The following SSH2 variants were observed in gnomAD, a reference collection of about 807,000 sequenced individuals.
SSH2 encodes protein phosphatase Slingshot homolog 2.
SSH2 carries 37 observed loss-of-function variants against 135.2 expected under a neutral mutation model. The observed-to-expected ratio is 0.27, with a 90% CI of 0.21 to 0.36. The LOEUF (loss-of-function observed/expected upper bound fraction) is 0.36, where lower values mean the gene tolerates loss of function less well. Among genes scored for constraint, SSH2 ranks in the 10% least tolerant of loss-of-function variants. The pLI, the probability that SSH2 is intolerant of heterozygous loss-of-function variation, is 1.00. For missense variants in SSH2, 1,408 were observed against 1,765.3 expected (o/e 0.80, Z 3.63); for synonymous variants, 628 against 646.2 (o/e 0.97, Z 0.43).
At chr17:29,694,547 T>C (rs2038639418) in intron 5 of SSH2, among the ~76,000 whole-genome samples, 2 of 152,192 alleles carry the variant, frequency 1.3e-5, no homozygotes, top group African/African-American at 4.8e-5. Context: ...TGTGCGCCTG[T>C]AGTCCCAGCT....
intron 2 of SSH2, among the ~76,000 whole-genome samples, chr17:29,829,457 CGATGGCTT>C (rs2042800392): frequency 1.3e-5 from 2 of 150,528 alleles, no homozygotes; most frequent in South Asian, 4.2e-4. Context: ...CCCCAACTGT[CGATGGCTT>C]GTGTGTGTGT....
At chr17:29,638,082 C>A (rs1291812920) in intron 14 of SSH2, among the ~76,000 whole-genome samples, 1 of 151,994 alleles carries the variant, frequency 6.6e-6, no homozygotes, top group Non-Finnish European at 1.5e-5. Context: ...CCAATGCACT[C>A]CAGCCTGGGT....
intron 3 of SSH2, among the ~76,000 whole-genome samples, chr17:29,754,185 C>A (rs1168664814): frequency 6.6e-6 from 1 of 152,168 alleles, no homozygotes; most frequent in Non-Finnish European, 1.5e-5. Flanking sequence ...CATCTAGGAA[C>A]TTGTTAGAAA....
At chr17:29,850,356 C>T (rs1373644405) in intron 1 of SSH2, among the ~76,000 whole-genome samples, 2 of 152,170 alleles carry the variant, frequency 1.3e-5, no homozygotes, top group African/African-American at 4.8e-5. Flanking sequence ...CATAAGCTTA[C>T]GTCATTAAAA....
chr17:29,740,489 T>C (rs1376312201), intron 3 of SSH2, among the ~76,000 whole-genome samples: 2 of 151,888 alleles, frequency 1.3e-5, no homozygotes, highest in Admixed American at 6.6e-5. Flanking sequence ...TGCCTATGGA[T>C]ACTGTTTAGA....
At chr17:29,681,259 C>T (rs920633525) in intron 6 of SSH2, among the ~76,000 whole-genome samples, 1 of 136,324 alleles carries the variant, frequency 7.3e-6, no homozygotes, top group Non-Finnish European at 1.5e-5. Context: ...CGCTTGAACC[C>T]AGGAGACGGA....
intron 1 of SSH2, among the ~76,000 whole-genome samples, chr17:29,883,408 A>G (rs534102828): frequency 1.4e-4 from 21 of 152,298 alleles, no homozygotes; most frequent in Admixed American, 2.6e-4. Flanking sequence ...ACATTATCCT[A>G]TCGTGTTTCA....
chr17:29,727,065 T>TA (rs1447980487), intron 3 of SSH2, among the ~76,000 whole-genome samples: 1 of 152,226 alleles, frequency 6.6e-6, no homozygotes, highest in South Asian at 2.1e-4. Context: ...GCATCAAACT[T>TA]ACAGCATTAG....
intron 2 of SSH2, among the ~76,000 whole-genome samples, chr17:29,840,127 T>C (rs1205498233): frequency 6.6e-6 from 1 of 152,086 alleles, no homozygotes; most frequent in Non-Finnish European, 1.5e-5. Flanking sequence ...TTTTGCTTGC[T>C]CTCCCAAACC....
At chr17:29,732,342 T>C (rs1381225645) in intron 3 of SSH2, among the ~76,000 whole-genome samples, 1 of 152,220 alleles carries the variant, frequency 6.6e-6, no homozygotes, top group Non-Finnish European at 1.5e-5. Context: ...GCTTAGGCTT[T>C]ACCTTTCACA....
intron 2 of SSH2, among the ~76,000 whole-genome samples, chr17:29,800,636 TTAAA>T (rs1230834074): frequency 1.3e-5 from 2 of 151,746 alleles, no homozygotes; most frequent in African/African-American, 2.4e-5. Flanking sequence ...AATTAAATAA[TTAAA>T]TAAATTACTA....
chr17:29,732,681 C>T (rs895405798), intron 3 of SSH2, among the ~76,000 whole-genome samples: 2 of 152,142 alleles, frequency 1.3e-5, no homozygotes, highest in Non-Finnish European at 2.9e-5. Context: ...GGTATGCACA[C>T]CCATTAAAGA....
At chr17:29,758,545 G>A (rs1225890628) in intron 3 of SSH2, among the ~76,000 whole-genome samples, 1 of 152,168 alleles carries the variant, frequency 6.6e-6, no homozygotes, top group East Asian at 1.9e-4. Context: ...TTCACAAAGT[G>A]TTATCAAATA....
rs1289386516 is a variant in SSH2 at position 29,805,138 on chromosome 17, A to G, written c.145-11201T>C. Among the ~76,000 whole-genome samples the G allele has an allele frequency of 3.3e-5, 5 of 149,494 alleles. No individual in the cohort carries two copies. The South Asian group carries it at 1.1e-3, about 32-fold the overall frequency. ...AAAGCTCCAGGCCTCATGCCTATAA[A>G]TTATTATTATTAATATTATTATTAT... On this transcript the variant is annotated intron_variant, in intron 2 of 15. Coordinates refer to ENST00000540801, the MANE Select transcript of SSH2 (RefSeq NM_001282129.2).
intron 1 of SSH2, among the ~76,000 whole-genome samples, chr17:29,874,028 C>T (rs1437768329): frequency 6.6e-6 from 1 of 152,146 alleles, no homozygotes; most frequent in African/African-American, 2.4e-5. Context: ...CGCAGCAGCT[C>T]ATGCCTGTAA....
intron 2 of SSH2, among the ~76,000 whole-genome samples, chr17:29,829,831 A>G (rs1045276175): frequency 6.7e-6 from 1 of 149,946 alleles, no homozygotes; most frequent in Non-Finnish European, 1.5e-5. Context: ...AGAAATAAAG[A>G]TCAAGATTTT....
chr17:29,800,525 C>T (rs2042231724), intron 2 of SSH2, among the ~76,000 whole-genome samples: 1 of 152,082 alleles, frequency 6.6e-6, no homozygotes, highest in Admixed American at 6.6e-5. Flanking sequence ...TCAATCTCTT[C>T]AAAACATTGG....
At chr17:29,738,782 C>G (rs559730804) in intron 3 of SSH2, among the ~76,000 whole-genome samples, 1 of 152,120 alleles carries the variant, frequency 6.6e-6, no homozygotes, top group African/African-American at 2.4e-5. Flanking sequence ...TCTCAATCTA[C>G]TGACCTTGTG....
chr17:29,840,695 T>G (rs1375114765), intron 2 of SSH2, among the ~76,000 whole-genome samples: 1 of 152,192 alleles, frequency 6.6e-6, no homozygotes, highest in African/African-American at 2.4e-5. Context: ...TGGCACTGCC[T>G]TGACTCTGTT....
Sources: gnomAD v4.1 joint callset for allele counts (sites outside exome capture counted in the v4.1 genomes callset) on GRCh38, gnomAD v4.1.1 for gene constraint, MANE v1.5 for transcripts, NCBI Gene and HGNC (gene_info 2026-07-23, HGNC 2026-07-21) for gene names.